OASL: variants seen among roughly 807,000 people sequenced by gnomAD.
OASL encodes the protein 2'-5'-oligoadenylate synthetase like.
OASL carries 28 observed loss-of-function variants against 35.3 expected under a neutral mutation model. That is an observed-to-expected ratio of 0.79 (90% CI 0.59 to 1.09). OASL has a LOEUF of 1.09. Among genes scored for constraint, OASL ranks in the 50% least tolerant of loss-of-function variants. OASL has a pLI of 0.00. For synonymous variants in OASL, 252 were observed against 254.6 expected, an observed-to-expected ratio of 0.99 and a Z score of 0.10; for missense variants, 620 against 635.2, an observed-to-expected ratio of 0.98 and a Z score of 0.26.
At chr12:121,032,978 T>G (rs1869799559) in intron 2 of OASL, among the ~76,000 whole-genome samples, 1 of 152,070 alleles carries the variant, frequency 6.6e-6, no homozygotes, top group Non-Finnish European at 1.5e-5. Flanking sequence ...CAGGCTGGAG[T>G]GCAATGGCGC....
At chr12:121,025,378 A>G (rs1213974215) in intron 4 of OASL, among the ~76,000 whole-genome samples, 1 of 152,206 alleles carries the variant, frequency 6.6e-6, no homozygotes, top group Non-Finnish European at 1.5e-5. Context: ...TCTCCTTTCT[A>G]TAAATATTGA....
chr12:121,027,507 A>G, intron 4 of OASL, 69 bp downstream of exon 4: 4 of 1,596,472 alleles, frequency 2.5e-6, no homozygotes, highest in Non-Finnish European at 3.4e-6. Flanking sequence ...ATAAAACTCT[A>G]TGCCACGTTA....
intron 3 of OASL, among the ~76,000 whole-genome samples, chr12:121,029,064 GAAAAAAAA>G (rs10577200): frequency 0.26 from 28,002 of 106,040 alleles, 2,816 homozygotes; most frequent in Middle Eastern, 0.32. Context: ...ACTTGTCTCA[GAAAAAAAA>G]AAAAAAAAAA....
chr12:121,025,790 CAAAA>C (rs1399882628), intron 4 of OASL, among the ~76,000 whole-genome samples: 2 of 150,134 alleles, frequency 1.3e-5, no homozygotes, highest in Non-Finnish European at 3.0e-5. Context: ...CAAAAACAAA[CAAAA>C]AAAACCCAGC....
At chr12:121,038,524 C>T (rs903924591) in intron 1 of OASL, among the ~76,000 whole-genome samples, 2 of 152,170 alleles carry the variant, frequency 1.3e-5, no homozygotes, top group African/African-American at 4.8e-5. Context: ...TCACAGAGTG[C>T]AAGAATTAGA....
intron 1 of OASL, among the ~76,000 whole-genome samples, chr12:121,037,081 C>T (rs994165259): frequency 3.3e-5 from 5 of 152,016 alleles, no homozygotes; most frequent in African/African-American, 9.7e-5. Flanking sequence ...GTGCAAAGAA[C>T]GGATAGGGGC....
chr12:121,019,919 AG>A (rs1869162646), exon 6 of OASL: 1 of 152,340 alleles, frequency 6.6e-6, no homozygotes, highest in African/African-American at 2.4e-5. Context: ...AATAGGAAGC[AG>A]GATGGGAGTA....
intron 3 of OASL, among the ~76,000 whole-genome samples, chr12:121,028,853 C>T (rs1869608315): frequency 6.6e-6 from 1 of 151,638 alleles, no homozygotes; most frequent in African/African-American, 2.4e-5. Flanking sequence ...TCACTTGAGG[C>T]CAGGAGTTCG....
Position 121,024,041 on chromosome 12 carries a change from C to G in OASL, c.996G>C (p.Gln332His), listed in dbSNP as rs780149343. ...TCTCCCTGTTGTCATAGCAACAGTC[C>G]TGTTTCAGGCACTGGGAGGCCCTCT... Residue 332 changes from glutamine to histidine, a missense_variant, in exon 5 of 6, where the codon CAG (glutamine) becomes CAC (histidine). Coordinates refer to ENST00000257570, the Ensembl canonical transcript of OASL. 2 of 1,614,060 alleles carry G rather than the reference C, an allele frequency of 1.2e-6. No homozygotes were observed. Among genetic ancestry groups the G allele is most frequent in the Admixed American group, 3.3e-5 (2 of 59,990 alleles).
intron 5 of OASL, 32 bp from the exon 6 acceptor site, chr12:121,021,090 A>G (rs779115538): frequency 2.1e-5 from 32 of 1,521,474 alleles, no homozygotes; most frequent in South Asian, 1.5e-4. Context: ...AGAGGTGTTA[A>G]GTCCACACTT....
chr12:121,033,423 G>A (rs1869820727), intron 2 of OASL, 38 bp downstream of exon 2: 1 of 1,593,578 alleles, frequency 6.3e-7, no homozygotes, highest in East Asian at 2.3e-5. Context: ...CCTGGGGTGG[G>A]CAAGTGTGTG....
chr12:121,020,603 G>T (rs143558393), exon 6 of OASL: 2 of 1,611,938 alleles, frequency 1.2e-6, no homozygotes, highest in African/African-American at 2.7e-5. Flanking sequence ...TCTTCGAGAG[G>T]ATGAGAGTGT....
exon 2 of OASL, chr12:121,033,607 A>G (rs1386295968): frequency 3.7e-6 from 6 of 1,614,108 alleles, no homozygotes; most frequent in South Asian, 1.1e-5. Context: ...GCTTTGCCAC[A>G]TGGTTTTCCA....
At chr12:121,025,952 C>T (rs1453227560) in intron 4 of OASL, among the ~76,000 whole-genome samples, 1 of 152,110 alleles carries the variant, frequency 6.6e-6, no homozygotes, top group Non-Finnish European at 1.5e-5. Context: ...CCTGAAAGTG[C>T]CAGGCTGTCC....
chr12:121,021,171 A>T (rs978806272), intron 5 of OASL, 113 bp from the exon 6 acceptor site: 183 of 1,163,332 alleles, frequency 1.6e-4, no homozygotes, highest in Non-Finnish European at 2.0e-4. Flanking sequence ...CAGCGGCAGC[A>T]GCAAATGTTT....
chr12:121,021,452 G>A (rs1483362692), intron 5 of OASL, among the ~76,000 whole-genome samples: 1 of 152,204 alleles, frequency 6.6e-6, no homozygotes, highest in Admixed American at 6.5e-5. Context: ...AGAGCCCCAG[G>A]TGGCTGGAGA....
chr12:121,038,942 T>C, exon 1 of OASL: 1 of 1,614,110 alleles, frequency 6.2e-7, no homozygotes, highest in Non-Finnish European at 8.5e-7. Context: ...TGGAGGCTGG[T>C]GTGCTATACA....
chr12:121,023,870 C>A, intron 5 of OASL, 120 bp downstream of exon 5: 3 of 1,273,212 alleles, frequency 2.4e-6, no homozygotes, highest in Non-Finnish European at 3.3e-6. Context: ...GCAGCTGGCC[C>A]TTAAACGGTG....
exon 6 of OASL, chr12:121,020,995 T>C: frequency 6.2e-7 from 1 of 1,613,446 alleles, no homozygotes; most frequent in Non-Finnish European, 8.5e-7. Context: ...TCATAAGGGT[T>C]CACGATGAGG....
Sources: gnomAD v4.1 joint callset for allele counts (sites outside exome capture counted in the v4.1 genomes callset) on GRCh38, gnomAD v4.1.1 for gene constraint, MANE v1.5 for transcripts, NCBI Gene and HGNC (gene_info 2026-07-23, HGNC 2026-07-21) for gene names.